The following ELAVL2 variants were observed in gnomAD, a reference collection of about 807,000 sequenced individuals.
ELAVL2 encodes ELAV like RNA binding protein 2, also known as ELAV-like protein 2.
Under a neutral mutation model 34.6 loss-of-function variants are expected in ELAVL2, and 4 were observed. The observed-to-expected ratio is 0.12, with a 90% CI of 0.06 to 0.26. ELAVL2 has a LOEUF of 0.26. Among genes scored for constraint, ELAVL2 ranks in the 10% least tolerant of loss-of-function variants. The probability of loss-of-function intolerance (pLI) is 1.00; values close to 1 mark genes in which losing one functional copy is unlikely to be tolerated. For missense variants in ELAVL2, 432 were observed against 442.8 expected (o/e 0.98, Z 0.22); for synonymous variants, 193 against 154.8 (o/e 1.25, Z -1.83).
intron 2 of ELAVL2, among the ~76,000 whole-genome samples, chr9:23,751,104 C>T (rs2051882796): frequency 6.6e-6 from 1 of 152,054 alleles, no homozygotes; most frequent in Admixed American, 6.6e-5. Context: ...CATCCCTCAC[C>T]AAGAAATGCA....
chr9:23,835,936 C>A, the ELAVL2 span, among the ~76,000 whole-genome samples: 1 of 152,130 alleles, frequency 6.6e-6, no homozygotes, highest in Non-Finnish European at 1.5e-5. Flanking sequence ...TAAAATTGAC[C>A]CACTCAAGGT....
At chr9:23,811,454 G>A (rs959283041) in intron 1 of ELAVL2, among the ~76,000 whole-genome samples, 6 of 152,154 alleles carry the variant, frequency 3.9e-5, no homozygotes, top group African/African-American at 1.4e-4. Context: ...GACAACACAT[G>A]CTCCTGGAAG....
intron 1 of ELAVL2, among the ~76,000 whole-genome samples, chr9:23,778,172 A>C (rs955985015): frequency 1.3e-5 from 2 of 152,138 alleles, no homozygotes; most frequent in Admixed American, 6.5e-5. Flanking sequence ...AAAAAATAAA[A>C]AGCCAACAAT....
At chr9:23,811,061 T>A (rs973878980) in intron 1 of ELAVL2, among the ~76,000 whole-genome samples, 4 of 152,096 alleles carry the variant, frequency 2.6e-5, no homozygotes, top group Non-Finnish European at 5.9e-5. Context: ...ACCATAGAAG[T>A]TGTACAAAAG....
rs10966047 is a variant in ELAVL2, at chr9:23,728,278, A to G, written c.333+2744T>C. Reference sequence around the variant, plus strand: ...CTCAGCAGGAGCTGGAACAACCTGGAAAGACAGAAGCTGAAGGACAGAATT... The same window carrying G: ...CTCAGCAGGAGCTGGAACAACCTGGGAAGACAGAAGCTGAAGGACAGAATT... On this transcript the variant is annotated intron_variant, in intron 3 of 6. Coordinates refer to ENST00000397312, the MANE Select transcript of ELAVL2 (RefSeq NM_004432.5). Among the ~76,000 whole-genome samples, 489 of 151,996 alleles carry G rather than the reference A, an allele frequency of 3.2e-3. 3 individuals are homozygous for G. The highest frequency in any genetic ancestry group is 0.012 in the African/African-American group (479 of 41,456).
intron 1 of ELAVL2, among the ~76,000 whole-genome samples, chr9:23,812,436 G>A (rs538473766): frequency 1.6e-4 from 24 of 152,086 alleles, no homozygotes; most frequent in African/African-American, 5.8e-4. Flanking sequence ...GAAGCTCCAC[G>A]GGAATGACTC....
At chr9:23,817,019 T>A (rs77031274) in intron 1 of ELAVL2, among the ~76,000 whole-genome samples, 1 of 152,084 alleles carries the variant, frequency 6.6e-6, no homozygotes, top group Admixed American at 6.5e-5. Flanking sequence ...AATATACCAG[T>A]GCTAAAGCAA....
intron 1 of ELAVL2, among the ~76,000 whole-genome samples, chr9:23,802,107 G>C (rs1325961627): frequency 1.3e-5 from 2 of 152,186 alleles, no homozygotes; most frequent in Non-Finnish European, 2.9e-5. Flanking sequence ...TTTAGTCAAT[G>C]TCTACTTGAG....
chr9:23,749,566 G>C (rs1316117791), intron 2 of ELAVL2, among the ~76,000 whole-genome samples: 2 of 152,070 alleles, frequency 1.3e-5, no homozygotes, highest in Non-Finnish European at 2.9e-5. Context: ...ATCCAAGGTG[G>C]TTATATCTTT....
chr9:23,844,324 C>A, the ELAVL2 span, among the ~76,000 whole-genome samples: 1 of 152,042 alleles, frequency 6.6e-6, no homozygotes, highest in African/African-American at 2.4e-5. Context: ...AGCACGGTGC[C>A]TAACCCAGTA....
At chr9:23,836,556 T>C in the ELAVL2 span, among the ~76,000 whole-genome samples, 2 of 152,156 alleles carry the variant, frequency 1.3e-5, no homozygotes, top group Non-Finnish European at 2.9e-5. Context: ...TTGAGCCTCT[T>C]TGTAAGGTTT....
At chr9:23,796,597 T>G (rs979791767) in intron 1 of ELAVL2, among the ~76,000 whole-genome samples, 3 of 152,250 alleles carry the variant, frequency 2.0e-5, no homozygotes, top group Admixed American at 2.0e-4. Flanking sequence ...ATGCATGACT[T>G]GCCTCACTAG....
the ELAVL2 span, among the ~76,000 whole-genome samples, chr9:23,833,085 A>G: frequency 6.6e-6 from 1 of 151,992 alleles, no homozygotes; most frequent in Non-Finnish European, 1.5e-5. Context: ...TTTAAATTTA[A>G]GTGTATGGAT....
chr9:23,754,039 C>T (rs913060974), intron 2 of ELAVL2, among the ~76,000 whole-genome samples: 4 of 152,108 alleles, frequency 2.6e-5, no homozygotes, highest in Admixed American at 6.6e-5. Flanking sequence ...AATCAAAACT[C>T]CTAAACCTCA....
intron 1 of ELAVL2, among the ~76,000 whole-genome samples, chr9:23,813,867 G>A (rs762089802): frequency 1.3e-5 from 2 of 148,244 alleles, no homozygotes; most frequent in Non-Finnish European, 3.0e-5. Context: ...TAGAACTACT[G>A]CCTTTGTCTT....
chr9:23,811,173 T>C (rs1054657014), intron 1 of ELAVL2, among the ~76,000 whole-genome samples: 6 of 152,266 alleles, frequency 3.9e-5, no homozygotes, highest in African/African-American at 9.6e-5. Context: ...ACAATGTTTA[T>C]AAGTCAGCCA....
intron 2 of ELAVL2, among the ~76,000 whole-genome samples, chr9:23,759,327 C>T (rs574488499): frequency 7.2e-5 from 11 of 151,826 alleles, no homozygotes; most frequent in African/African-American, 1.5e-4. Flanking sequence ...AAATACCACA[C>T]GATCTCATAG....
chr9:23,818,825 TAAG>T (rs1387690311), intron 1 of ELAVL2, among the ~76,000 whole-genome samples: 1 of 152,224 alleles, frequency 6.6e-6, no homozygotes, highest in African/African-American at 2.4e-5. Flanking sequence ...TCAGTCTTGA[TAAG>T]AAGCTTAAGA....
At chr9:23,744,758 A>G (rs957178754) in intron 2 of ELAVL2, among the ~76,000 whole-genome samples, 10 of 152,010 alleles carry the variant, frequency 6.6e-5, no homozygotes, top group Non-Finnish European at 1.5e-4. Flanking sequence ...GAAAAAAAAT[A>G]AAAATAAAAA....
Sources: gnomAD v4.1 joint callset for allele counts (sites outside exome capture counted in the v4.1 genomes callset) on GRCh38, gnomAD v4.1.1 for gene constraint, MANE v1.5 for transcripts, NCBI Gene and HGNC (gene_info 2026-07-23, HGNC 2026-07-21) for gene names.